Variants in GLRA3 observed in about 807,000 individuals in gnomAD.
The protein encoded by GLRA3 is glycine receptor subunit alpha-3.
Under a neutral mutation model 60.4 loss-of-function variants are expected in GLRA3, and 44 were observed. The ratio of observed to expected loss-of-function variants is 0.73; its 90% CI spans 0.57 to 0.94. The LOEUF (loss-of-function observed/expected upper bound fraction) is 0.94. Among genes scored for constraint, GLRA3 ranks in the 40% least tolerant of loss-of-function variants. The pLI, the probability that GLRA3 is intolerant of heterozygous loss-of-function variation, is 0.00. For synonymous variants in GLRA3, 223 were observed against 192.9 expected (o/e 1.16, Z -1.29); for missense variants, 508 against 564.6 (o/e 0.90, Z 1.02).
chr4:174,762,458 A>AT (rs898042824), intron 3 of GLRA3, among the ~76,000 whole-genome samples: 100 of 152,090 alleles, frequency 6.6e-4, no homozygotes, highest in Admixed American at 4.1e-3. Context: ...CATCTCAGTG[A>AT]TTTTTTTCTT....
chr4:174,720,168 A>G (rs1736079259), intron 4 of GLRA3, among the ~76,000 whole-genome samples: 1 of 152,164 alleles, frequency 6.6e-6, no homozygotes, highest in Non-Finnish European at 1.5e-5. Flanking sequence ...ATATTAGTAA[A>G]GTAAGAAAGT....
At position 174,720,784 on chromosome 4, in the gene GLRA3, A is replaced by T. The variant is rs1736099245; in HGVS notation, c.492-5214T>A. Among the ~76,000 whole-genome samples the T allele has an allele frequency of 6.6e-5, 10 of 152,316 alleles. No homozygotes were observed. The South Asian group carries it at 1.9e-3, about 28-fold the overall frequency. Reference sequence around the variant, plus strand: ...GAGAGTTAAATGTACATGGAGTATCATATCAGGGAAACAAACTCTAGTTTT... The same window carrying T: ...GAGAGTTAAATGTACATGGAGTATCTTATCAGGGAAACAAACTCTAGTTTT... On this transcript the variant is annotated intron_variant, in intron 4 of 9. Coordinates refer to ENST00000274093, the MANE Select transcript of GLRA3 (RefSeq NM_006529.4).
At chr4:174,761,944 A>G (rs866347520) in intron 3 of GLRA3, among the ~76,000 whole-genome samples, 16 of 152,278 alleles carry the variant, frequency 1.1e-4, no homozygotes, top group South Asian at 2.1e-4. Flanking sequence ...AAAGTTTATG[A>G]TTCAGTAATA....
At chr4:174,691,184 T>C (rs933075777) in intron 5 of GLRA3, among the ~76,000 whole-genome samples, 2 of 152,186 alleles carry the variant, frequency 1.3e-5, no homozygotes, top group African/African-American at 2.4e-5. Context: ...GCATCTGTCA[T>C]TTTTTTGACT....
chr4:174,796,303 G>A (rs1301931340), intron 1 of GLRA3, among the ~76,000 whole-genome samples: 1 of 152,122 alleles, frequency 6.6e-6, no homozygotes, highest in Non-Finnish European at 1.5e-5. Flanking sequence ...CAAGAACCAG[G>A]AGAAATAAAT....
chr4:174,677,092 C>A lies in GLRA3; in HGVS notation c.913G>T (p.Ala305Ser). ...AGTGCACTTACTTTTGGCAAGGAAG[C>A]TCGTGATCCTGAACTCTGTGTAGTC... ...TMTTQSSGSR[A>S]SLPKVSYVKA... Residue 305 changes from alanine (A) to serine (S), a missense_variant, in exon 7 of 10, where the codon GCT becomes TCT. Around this residue, in one of 3 missense-constraint regions of GLRA3, gnomAD observed 176 missense variants for 197.9 expected, o/e 0.89. Coordinates refer to ENST00000274093, the MANE Select transcript of GLRA3 (RefSeq NM_006529.4). The A allele has an allele frequency of 6.2e-7, 1 of 1,608,200 alleles. No homozygotes were observed. Among genetic ancestry groups the A allele is most frequent in the African/African-American group, 1.3e-5 (1 of 74,916 alleles).
intron 3 of GLRA3, among the ~76,000 whole-genome samples, chr4:174,743,287 AT>A (rs1455393232): frequency 6.6e-6 from 1 of 152,200 alleles, no homozygotes; most frequent in Non-Finnish European, 1.5e-5. Context: ...AGAATCTAAT[AT>A]CCTCTAATAT....
In GLRA3 at chr4:174,704,937, A is replaced by G. The variant is rs1235183146; in HGVS notation, c.574+10551T>C. On this transcript the variant is annotated intron_variant, in intron 5 of 9. Transcript: ENST00000274093. ...AATGGTGGTTCTCAGTGGCAAGAGG[A>G]AGGGGGAAATGGAGAGTTGTTTAAT... Among the ~76,000 whole-genome samples the G allele has an allele frequency of 1.0e-4, 15 of 143,106 alleles. 4 individuals are homozygous for G. Among genetic ancestry groups the G allele is most frequent in the Non-Finnish European group, 2.3e-4 (15 of 64,530 alleles). The allele number at this position is 143,106 out of a possible 152,430, so 93.9% of individuals were successfully genotyped here.
chr4:174,695,850 G>C (rs945489688), intron 5 of GLRA3, among the ~76,000 whole-genome samples: 1 of 151,904 alleles, frequency 6.6e-6, no homozygotes, highest in Admixed American at 6.6e-5. Flanking sequence ...CCATAGTCTT[G>C]GCTCAAAAGT....
At chr4:174,756,976 C>A (rs574823017) in intron 3 of GLRA3, among the ~76,000 whole-genome samples, 25 of 152,258 alleles carry the variant, frequency 1.6e-4, no homozygotes, top group African/African-American at 6.0e-4. Flanking sequence ...AAATGCTGTG[C>A]GCTTTTCAAC....
At chr4:174,727,852 T>C (rs986608434) in intron 4 of GLRA3, among the ~76,000 whole-genome samples, 1 of 152,154 alleles carries the variant, frequency 6.6e-6, no homozygotes, top group African/African-American at 2.4e-5. Context: ...AACATAAATG[T>C]AAATAAGGTC....
rs770278895 is a variant in GLRA3, at chr4:174,664,557, T to C, written c.928-5360A>G. On this transcript the variant is annotated intron_variant, in intron 7 of 9. Coordinates refer to ENST00000274093, the MANE Select transcript of GLRA3 (RefSeq NM_006529.4). ...TTCAAAGATTCAGCCCTGTTAATTA[T>C]GTTTTCTTTCCATTTCTCAAGTTTA... is the stretch of plus-strand genomic sequence containing the variant. 5.1e-4 allele frequency among the ~76,000 whole-genome samples: 77 copies of C among 152,292 alleles called. 1 individual carries two copies. The Middle Eastern group carries it at 0.02, about 40-fold the overall frequency.
Position 174,677,299 on chromosome 4 carries a change from G to T in GLRA3, c.713-7C>A. ...TCTATACACGTAAACTTTCCTAATT[G>T]GTGGTAAGGTAAATACAGCAATTAG... On this transcript the variant is annotated splice_region_variant and splice_polypyrimidine_tract_variant and intron_variant, in intron 6 of 9. Coordinates refer to ENST00000274093, the MANE Select transcript of GLRA3 (RefSeq NM_006529.4). 1.9e-6 allele frequency: 3 copies of T among 1,540,166 alleles called. No homozygotes were observed. The highest frequency in any genetic ancestry group is 1.8e-6 in the Non-Finnish European group (2 of 1,114,394).
At chr4:174,735,579 G>T (rs936104506) in intron 3 of GLRA3, among the ~76,000 whole-genome samples, 1 of 152,006 alleles carries the variant, frequency 6.6e-6, no homozygotes, top group Admixed American at 6.6e-5. Flanking sequence ...TTTATTTTTT[G>T]AGATGGAGCA....
At chr4:174,764,978 G>C (rs1209944963) in intron 3 of GLRA3, among the ~76,000 whole-genome samples, 1 of 151,978 alleles carries the variant, frequency 6.6e-6, no homozygotes, top group Admixed American at 6.6e-5. Flanking sequence ...CTTAACTTCT[G>C]GGATATTTGA....
chr4:174,690,240 C>G (rs1011731262), intron 5 of GLRA3, among the ~76,000 whole-genome samples: 2 of 152,174 alleles, frequency 1.3e-5, no homozygotes, highest in East Asian at 3.8e-4. Context: ...ATTTTCAAAA[C>G]TACCTTTACC....
chr4:174,656,127 A>G (rs1253565097), intron 9 of GLRA3, among the ~76,000 whole-genome samples: 1 of 152,052 alleles, frequency 6.6e-6, no homozygotes, highest in Non-Finnish European at 1.5e-5. Flanking sequence ...GACCCAAACT[A>G]TCTATTTTAG....
chr4:174,757,121 A>C (rs994051706), intron 3 of GLRA3, among the ~76,000 whole-genome samples: 2 of 152,246 alleles, frequency 1.3e-5, no homozygotes, highest in African/African-American at 4.8e-5. Context: ...AGTTTGCATT[A>C]ACATATTCAT....
At chr4:174,650,813 C>A (rs1434910901) in intron 9 of GLRA3, among the ~76,000 whole-genome samples, 10 of 152,194 alleles carry the variant, frequency 6.6e-5, no homozygotes, top group Non-Finnish European at 1.0e-4. Flanking sequence ...CCTCATGACT[C>A]TCTTTCAACA....
Sources: allele counts gnomAD v4.1 joint callset (sites outside exome capture counted in the v4.1 genomes callset), GRCh38; gene constraint gnomAD v4.1.1; regional missense constraint gnomAD v4.1.1; transcripts MANE v1.5; gene names NCBI Gene and HGNC (gene_info 2026-07-23, HGNC 2026-07-21).